TENM3: variants seen among roughly 807,000 people sequenced by gnomAD.
TENM3 encodes teneurin-3.
In TENM3, 63 loss-of-function variants were observed where a neutral mutation model predicts 255.1. The ratio of observed to expected loss-of-function variants is 0.25; its 90% CI spans 0.20 to 0.30. The LOEUF (loss-of-function observed/expected upper bound fraction) is 0.30, where lower values mean the gene tolerates loss of function less well. TENM3 is among the 10% of genes least tolerant of loss of function. The pLI, the probability that TENM3 is intolerant of heterozygous loss-of-function variation, is 1.00. For missense variants in TENM3, 2,929 were observed against 3,461.1 expected (o/e 0.85, Z 3.86); for synonymous variants, 1,306 against 1,322.3 (o/e 0.99, Z 0.27).
At chr4:182,256,925 C>T (rs528254064) in intron 1 of TENM3, among the ~76,000 whole-genome samples, 6 of 150,832 alleles carry the variant, frequency 4.0e-5, no homozygotes, top group Admixed American at 6.6e-5. Context: ...AAAAAAAAAA[C>T]GGTACCCGGA....
the TENM3 span, among the ~76,000 whole-genome samples, chr4:181,768,729 GAC>G: frequency 6.6e-6 from 1 of 151,870 alleles, no homozygotes; most frequent in Non-Finnish European, 1.5e-5. Flanking sequence ...TCCTATCAAA[GAC>G]ACAAATATCA....
At chr4:182,195,251 A>G (rs2149803008) in intron 1 of TENM3, among the ~76,000 whole-genome samples, 1 of 152,332 alleles carries the variant, frequency 6.6e-6, no homozygotes, top group Non-Finnish European at 1.5e-5. Flanking sequence ...CCTGTTATCC[A>G]CACGACCCTG....
chr4:181,516,502 T>C, the TENM3 span, among the ~76,000 whole-genome samples: 1 of 151,848 alleles, frequency 6.6e-6, no homozygotes, highest in Non-Finnish European at 1.5e-5. Flanking sequence ...TAGTCATGGG[T>C]GGGCGCGGTG....
chr4:182,363,684 GA>G (rs1561368104), intron 3 of TENM3, among the ~76,000 whole-genome samples: 3 of 152,004 alleles, frequency 2.0e-5, no homozygotes, highest in African/African-American at 7.2e-5. Context: ...AAGAGAAATA[GA>G]AATAGGCCTT....
the TENM3 span, among the ~76,000 whole-genome samples, chr4:181,465,015 C>A: frequency 4.6e-5 from 7 of 152,110 alleles, no homozygotes; most frequent in Admixed American, 4.6e-4. Flanking sequence ...GGTGTCATAT[C>A]TAAAAAACTG....
At chr4:182,718,751 A>G (rs1759412307) in intron 13 of TENM3, among the ~76,000 whole-genome samples, 1 of 152,180 alleles carries the variant, frequency 6.6e-6, no homozygotes, top group Admixed American at 6.5e-5. Flanking sequence ...AAGATTAGCA[A>G]GGCAGCTATC....
intron 4 of TENM3, among the ~76,000 whole-genome samples, chr4:182,615,070 T>TA (rs201005312): frequency 3.6e-4 from 30 of 82,588 alleles, no homozygotes; most frequent in African/African-American, 1.2e-3. Context: ...TATATATGTA[T>TA]TTTTTTTTTC....
the TENM3 span, among the ~76,000 whole-genome samples, chr4:181,475,298 G>A: frequency 1.2e-4 from 19 of 152,146 alleles, no homozygotes; most frequent in Non-Finnish European, 2.6e-4. Flanking sequence ...CACTGTCTCC[G>A]TATTCATCTG....
At chr4:181,599,945 C>T in the TENM3 span, among the ~76,000 whole-genome samples, 1 of 152,116 alleles carries the variant, frequency 6.6e-6, no homozygotes, top group South Asian at 2.1e-4. Context: ...GAGTTCCTTC[C>T]CTGTATCCCA....
intron 5 of TENM3, among the ~76,000 whole-genome samples, chr4:182,640,889 T>A (rs1008842250): frequency 6.6e-6 from 1 of 152,140 alleles, no homozygotes; most frequent in African/African-American, 2.4e-5. Context: ...CATAAGAACG[T>A]TTTTCTCCTC....
At chr4:182,501,466 A>G (rs894795330) in intron 3 of TENM3, among the ~76,000 whole-genome samples, 2 of 151,894 alleles carry the variant, frequency 1.3e-5, no homozygotes, top group Non-Finnish European at 2.9e-5. Flanking sequence ...TCCTGAGTTG[A>G]GTCATATTTT....
intron 1 of TENM3, among the ~76,000 whole-genome samples, chr4:182,191,874 A>G (rs1423922591): frequency 5.3e-5 from 8 of 152,166 alleles, no homozygotes; most frequent in Non-Finnish European, 1.0e-4. Context: ...CTACTTTTGC[A>G]TCCCCAGTTG....
At chr4:182,018,495 C>G in the TENM3 span, among the ~76,000 whole-genome samples, 2 of 152,150 alleles carry the variant, frequency 1.3e-5, no homozygotes, top group Non-Finnish European at 1.5e-5. Flanking sequence ...GCTAGGAAAA[C>G]CAGCATTCTA....
the TENM3 span, among the ~76,000 whole-genome samples, chr4:181,973,152 T>C: frequency 6.6e-6 from 1 of 152,182 alleles, no homozygotes; most frequent in African/African-American, 2.4e-5. Context: ...AGAATAATAA[T>C]TTATTTTTAG....
intron 3 of TENM3, among the ~76,000 whole-genome samples, chr4:182,494,406 T>C (rs889121995): frequency 3.3e-5 from 5 of 152,184 alleles, no homozygotes; most frequent in East Asian, 1.9e-4. Flanking sequence ...TATACTGTTA[T>C]AATTGTTCTA....
chr4:181,612,490 A>G, the TENM3 span, among the ~76,000 whole-genome samples: 8 of 148,344 alleles, frequency 5.4e-5, no homozygotes, highest in South Asian at 4.3e-4. Context: ...TTTGGTTAAG[A>G]TGTGTGTGTG....
chr4:181,871,067 A>T, the TENM3 span, among the ~76,000 whole-genome samples: 9 of 152,160 alleles, frequency 5.9e-5, 1 homozygote, highest in African/African-American at 2.2e-4. Flanking sequence ...GTGAACGTTG[A>T]TGGGTCATAT....
At chr4:182,694,087 G>A (rs1336155017) in intron 12 of TENM3, among the ~76,000 whole-genome samples, 1 of 151,764 alleles carries the variant, frequency 6.6e-6, no homozygotes, top group Non-Finnish European at 1.5e-5. Context: ...TTTGAGGGTT[G>A]GTTTTATTTT....
At chr4:182,403,351 G>T (rs1769331817) in intron 3 of TENM3, among the ~76,000 whole-genome samples, 2 of 152,310 alleles carry the variant, frequency 1.3e-5, no homozygotes, top group African/African-American at 4.8e-5. Context: ...ATAAATAAAA[G>T]ATTGTGCATC....
Sources: gnomAD v4.1 joint callset for allele counts (sites outside exome capture counted in the v4.1 genomes callset) on GRCh38, gnomAD v4.1.1 for gene constraint, MANE v1.5 for transcripts, NCBI Gene and HGNC (gene_info 2026-07-23, HGNC 2026-07-21) for gene names.